The following SHISA9 variants were observed in gnomAD, a reference collection of about 807,000 sequenced individuals.
SHISA9 encodes shisa family member 9.
A neutral mutation model predicts 38.0 loss-of-function variants in SHISA9; 13 were observed. That is an observed-to-expected ratio of 0.34 (90% CI 0.22 to 0.54). The LOEUF is 0.54. SHISA9 is among the 20% of genes least tolerant of loss of function. The probability of loss-of-function intolerance (pLI) is 0.91; values close to 1 mark genes in which losing one functional copy is unlikely to be tolerated. For synonymous variants in SHISA9, 275 were observed against 242.0 expected, an observed-to-expected ratio of 1.14 and a Z score of -1.27; for missense variants, 538 against 575.8, an observed-to-expected ratio of 0.93 and a Z score of 0.67.
At chr16:13,507,728 T>G in the SHISA9 span, among the ~76,000 whole-genome samples, 4 of 152,144 alleles carry the variant, frequency 2.6e-5, no homozygotes, top group African/African-American at 9.7e-5. Context: ...CTGCCAGCCC[T>G]GATTCAGGTC....
the SHISA9 span, among the ~76,000 whole-genome samples, chr16:13,428,910 T>A: frequency 3.3e-5 from 5 of 151,844 alleles, no homozygotes; most frequent in African/African-American, 2.4e-5. Flanking sequence ...GGATTACAGG[T>A]GCATGCCACC....
chr16:13,445,493 G>C, the SHISA9 span, among the ~76,000 whole-genome samples: 1 of 152,166 alleles, frequency 6.6e-6, no homozygotes, highest in Non-Finnish European at 1.5e-5. Context: ...AAAGGAATGA[G>C]CATATATTGG....
At chr16:12,938,196 T>A (rs1349558360) in intron 2 of SHISA9, among the ~76,000 whole-genome samples, 1 of 152,240 alleles carries the variant, frequency 6.6e-6, no homozygotes, top group Admixed American at 6.5e-5. Context: ...AAGCTATGCT[T>A]GTTCCAATCT....
At chr16:13,335,078 G>C in the SHISA9 span, among the ~76,000 whole-genome samples, 1 of 152,192 alleles carries the variant, frequency 6.6e-6, no homozygotes, top group African/African-American at 2.4e-5. Context: ...TCCCATGGGG[G>C]ACACCTCTGG....
chr16:13,084,745 GACC>G (rs2073691800), intron 2 of SHISA9, among the ~76,000 whole-genome samples: 2 of 162 alleles, frequency 0.012, no homozygotes, highest in Admixed American at 0.1. Flanking sequence ...CTTAAGCTTA[GACC>G]ATAGACCATA....
chr16:13,387,298 A>G, the SHISA9 span, among the ~76,000 whole-genome samples: 1 of 152,170 alleles, frequency 6.6e-6, no homozygotes, highest in African/African-American at 2.4e-5. Context: ...AAGTCATACT[A>G]GAGTAGGGTG....
At chr16:13,333,155 T>A in the SHISA9 span, among the ~76,000 whole-genome samples, 1 of 152,180 alleles carries the variant, frequency 6.6e-6, no homozygotes, top group Non-Finnish European at 1.5e-5. Context: ...AAGTTGTCAG[T>A]GCATGATGCA....
chr16:12,994,234 G>A (rs188205641), intron 2 of SHISA9, among the ~76,000 whole-genome samples: 1 of 152,342 alleles, frequency 6.6e-6, no homozygotes, highest in African/African-American at 2.4e-5. Flanking sequence ...ACATCCAGTT[G>A]AGAGATGATG....
chr16:12,976,736 A>T (rs2072167312), intron 2 of SHISA9, among the ~76,000 whole-genome samples: 1 of 152,152 alleles, frequency 6.6e-6, no homozygotes, highest in South Asian at 2.1e-4. Context: ...GGTGAGTGTG[A>T]CAGTGGCAGA....
chr16:12,959,630 A>G (rs1279863929), intron 2 of SHISA9, among the ~76,000 whole-genome samples: 1 of 152,232 alleles, frequency 6.6e-6, no homozygotes, highest in East Asian at 1.9e-4. Context: ...AACCATTGTT[A>G]GAACTTGAAC....
chr16:13,027,708 C>T (rs539121507), intron 2 of SHISA9, among the ~76,000 whole-genome samples: 1 of 152,018 alleles, frequency 6.6e-6, no homozygotes, highest in South Asian at 2.1e-4. Flanking sequence ...AGGCGGATCA[C>T]CTCAGGTCAG....
the SHISA9 span, among the ~76,000 whole-genome samples, chr16:13,263,797 T>G: frequency 6.6e-6 from 1 of 152,164 alleles, no homozygotes; most frequent in African/African-American, 2.4e-5. Context: ...GATGCCACCT[T>G]TGGGAGAAGC....
At chr16:13,282,668 C>T in the SHISA9 span, among the ~76,000 whole-genome samples, 25 of 152,158 alleles carry the variant, frequency 1.6e-4, no homozygotes, top group Middle Eastern at 6.8e-3. Context: ...TCCTAGGACT[C>T]TGTTACATTT....
intron 2 of SHISA9, among the ~76,000 whole-genome samples, chr16:13,109,705 T>C (rs773835703): frequency 2.0e-5 from 3 of 152,164 alleles, no homozygotes; most frequent in Non-Finnish European, 4.4e-5. Flanking sequence ...TAACCACTAA[T>C]TGATTTTCTA....
At chr16:13,014,503 T>A (rs554307735) in intron 2 of SHISA9, among the ~76,000 whole-genome samples, 32 of 152,362 alleles carry the variant, frequency 2.1e-4, no homozygotes, top group South Asian at 1.2e-3. Flanking sequence ...TCAATTGTGC[T>A]TATTTCCTTA....
At chr16:13,413,667 A>G in the SHISA9 span, among the ~76,000 whole-genome samples, 1 of 149,934 alleles carries the variant, frequency 6.7e-6, no homozygotes, top group Non-Finnish European at 1.5e-5. Flanking sequence ...TGACACAGGA[A>G]AATTGCTAGA....
the SHISA9 span, among the ~76,000 whole-genome samples, chr16:13,342,913 G>A: frequency 6.6e-6 from 1 of 152,102 alleles, no homozygotes; most frequent in Non-Finnish European, 1.5e-5. Flanking sequence ...CCAAGAGAAT[G>A]GTTTTACATC....
the SHISA9 span, among the ~76,000 whole-genome samples, chr16:13,473,562 C>A: frequency 3.3e-5 from 5 of 152,024 alleles, no homozygotes; most frequent in African/African-American, 1.2e-4. Context: ...CCCAGAGTCC[C>A]TGAAATACCC....
chr16:13,293,956 G>A, the SHISA9 span, among the ~76,000 whole-genome samples: 31 of 152,320 alleles, frequency 2.0e-4, no homozygotes, highest in Non-Finnish European at 3.2e-4. Flanking sequence ...TTGGTTGTGC[G>A]AAGGGTTGGG....
Sources: allele counts gnomAD v4.1 joint callset (sites outside exome capture counted in the v4.1 genomes callset), GRCh38; gene constraint gnomAD v4.1.1; transcripts MANE v1.5; gene names NCBI Gene and HGNC (gene_info 2026-07-23, HGNC 2026-07-21).